The following ZCCHC7 variants were observed in gnomAD, a reference collection of about 807,000 sequenced individuals.
ZCCHC7 encodes the protein zinc finger CCHC-type containing 7, also known as zinc finger CCHC domain-containing protein 7.
In ZCCHC7, 35 loss-of-function variants were observed where a neutral mutation model predicts 52.0. That is an observed-to-expected ratio of 0.67 (90% CI 0.51 to 0.89). ZCCHC7 has a LOEUF of 0.89. Ranked by LOEUF, ZCCHC7 falls within the 40% of genes least tolerant of loss-of-function variation. The probability of loss-of-function intolerance (pLI) is 0.00; values close to 1 mark genes in which losing one functional copy is unlikely to be tolerated. For missense variants in ZCCHC7, 574 were observed against 649.1 expected (o/e 0.88, Z 1.26); for synonymous variants, 217 against 221.5 (o/e 0.98, Z 0.18).
At chr9:37,183,428 A>G (rs557221196) in intron 2 of ZCCHC7, among the ~76,000 whole-genome samples, 80 of 152,216 alleles carry the variant, frequency 5.3e-4, no homozygotes, top group Non-Finnish European at 8.8e-4. Context: ...AGCCTGGTGC[A>G]GAAATCCTTT....
intron 2 of ZCCHC7, among the ~76,000 whole-genome samples, chr9:37,238,816 A>T (rs187377471): frequency 5.9e-5 from 9 of 152,320 alleles, no homozygotes; most frequent in Admixed American, 5.9e-4. Flanking sequence ...TGCAATGAAA[A>T]TGTAAAAAGG....
intron 6 of ZCCHC7, chr9:37,333,986 C>A (rs1564260946): frequency 6.6e-6 from 1 of 151,734 alleles, no homozygotes. Flanking sequence ...TAAATATAAA[C>A]AAATAGTCTT....
intron 2 of ZCCHC7, among the ~76,000 whole-genome samples, chr9:37,200,270 T>C (rs1258465553): frequency 1.3e-5 from 2 of 152,158 alleles, no homozygotes; most frequent in Admixed American, 1.3e-4. Flanking sequence ...CTGTGTATCA[T>C]TAAAAAATAA....
rs1186455000 is a variant in ZCCHC7 at position 37,254,581 on chromosome 9, T to C, written c.611-47607T>C. 2.0e-5 allele frequency among the ~76,000 whole-genome samples: 3 copies of C among 152,080 alleles called. No individual in the cohort carries two copies. The East Asian group carries it at 5.8e-4, about 29-fold the overall frequency. On this transcript the variant is annotated intron_variant, in intron 2 of 8. Coordinates refer to ENST00000336755, the MANE Select transcript of ZCCHC7 (RefSeq NM_032226.3). The stretch of plus-strand genomic sequence containing the variant: ...AGGTTTGGGTTTAAGCCCGCTAATA[T>C]GTGTTTATTACTTACCTATAAAAAG...
In ZCCHC7 at chr9:37,354,482, G is replaced by C. The variant is rs1821576916; in HGVS notation, c.1084-228G>C. Among the ~76,000 whole-genome samples the C allele has an allele frequency of 1.3e-5, 2 of 152,158 alleles. No homozygotes were observed. Among genetic ancestry groups the C allele is most frequent in the Admixed American group, 1.3e-4 (2 of 15,266 alleles). ...GAAAAAAGATACGAAGGGTTTCATA[G>C]GTAAAGAAGTAAGGGAAGAAAACTC... On this transcript the variant is annotated intron_variant, in intron 7 of 8. Transcript: ENST00000336755. This position sits in a 1 kb window ranked among gnomAD's most constrained non-coding sequence, Gnocchi z 4.0.
chr9:37,142,013 A>G (rs546107273), intron 2 of ZCCHC7, among the ~76,000 whole-genome samples: 1 of 151,882 alleles, frequency 6.6e-6, no homozygotes, highest in Non-Finnish European at 1.5e-5. Context: ...ATTAATATTC[A>G]CAGGCTTTAA....
chr9:37,168,538 T>C (rs1821552569), intron 2 of ZCCHC7, among the ~76,000 whole-genome samples: 1 of 152,216 alleles, frequency 6.6e-6, no homozygotes, highest in Non-Finnish European at 1.5e-5. Flanking sequence ...ACTTTACATT[T>C]ACGATCTCAT....
chr9:37,293,422 T>C (rs1828629964), intron 2 of ZCCHC7, among the ~76,000 whole-genome samples: 1 of 152,182 alleles, frequency 6.6e-6, no homozygotes, highest in Non-Finnish European at 1.5e-5. Flanking sequence ...AGCAGATAGA[T>C]AGAAACTTTT....
intron 2 of ZCCHC7, among the ~76,000 whole-genome samples, chr9:37,185,413 A>G (rs972366918): frequency 4.6e-5 from 7 of 152,238 alleles, no homozygotes; most frequent in Non-Finnish European, 1.0e-4. Context: ...ATTATTTTGC[A>G]TATAAATGTA....
intron 6 of ZCCHC7, among the ~76,000 whole-genome samples, chr9:37,346,233 C>T (rs905311777): frequency 2.6e-5 from 4 of 152,102 alleles, no homozygotes; most frequent in African/African-American, 7.2e-5. Flanking sequence ...AAACTCCTGA[C>T]GTCAGGTGAT....
At chr9:37,213,489 A>G (rs7848537) in intron 2 of ZCCHC7, among the ~76,000 whole-genome samples, 2,747 of 152,288 alleles carry the variant, frequency 0.018, 78 homozygotes, top group African/African-American at 0.063. Flanking sequence ...TTATTGATAC[A>G]GGGATCCTAA....
At chr9:37,233,175 C>A (rs531781927) in intron 2 of ZCCHC7, among the ~76,000 whole-genome samples, 205 of 152,184 alleles carry the variant, frequency 1.3e-3, no homozygotes, top group Middle Eastern at 6.8e-3. Flanking sequence ...TATTTTAAGT[C>A]AAAAATTTAT....
At chr9:37,173,783 C>T (rs981244699) in intron 2 of ZCCHC7, among the ~76,000 whole-genome samples, 1 of 151,782 alleles carries the variant, frequency 6.6e-6, no homozygotes, top group African/African-American at 2.4e-5. Flanking sequence ...TTAAAATTGG[C>T]CCTTGTTATT....
intron 2 of ZCCHC7, among the ~76,000 whole-genome samples, chr9:37,130,927 C>T (rs1156609021): frequency 6.8e-6 from 1 of 147,396 alleles, no homozygotes; most frequent in South Asian, 2.1e-4. Context: ...ACAATAAATA[C>T]ATACATATTT....
chr9:37,280,833 A>G (rs148733536), intron 2 of ZCCHC7, among the ~76,000 whole-genome samples: 239 of 152,180 alleles, frequency 1.6e-3, no homozygotes, highest in African/African-American at 5.2e-3. Flanking sequence ...TAGAGGCACA[A>G]TCATGTCTCA....
intron 2 of ZCCHC7, among the ~76,000 whole-genome samples, chr9:37,130,009 C>A (rs948505939): frequency 1.3e-5 from 2 of 152,102 alleles, no homozygotes; most frequent in African/African-American, 2.4e-5. Context: ...GAGGCCGAGG[C>A]GGGTGGATCA....
At chr9:37,230,669 G>A (rs1002347752) in intron 2 of ZCCHC7, among the ~76,000 whole-genome samples, 2 of 151,980 alleles carry the variant, frequency 1.3e-5, no homozygotes, top group Non-Finnish European at 2.9e-5. Flanking sequence ...ATGAGAATAG[G>A]AATTTTTGTT....
At chr9:37,230,522 T>C (rs567087428) in intron 2 of ZCCHC7, among the ~76,000 whole-genome samples, 107 of 152,330 alleles carry the variant, frequency 7.0e-4, no homozygotes, top group Non-Finnish European at 1.2e-3. Flanking sequence ...ATTTTATGAA[T>C]GTATATATAG....
chr9:37,264,364 A>G (rs1019048620), intron 2 of ZCCHC7, among the ~76,000 whole-genome samples: 3 of 152,214 alleles, frequency 2.0e-5, no homozygotes, highest in African/African-American at 4.8e-5. Flanking sequence ...TGTCTGTTAA[A>G]CCAGACTTAA....
Sources: allele counts gnomAD v4.1 joint callset (sites outside exome capture counted in the v4.1 genomes callset), GRCh38; gene constraint gnomAD v4.1.1; non-coding constraint Gnocchi (gnomAD v3.1); transcripts MANE v1.5; gene names NCBI Gene and HGNC (gene_info 2026-07-23, HGNC 2026-07-21).